EDA2R: variants seen among roughly 807,000 people sequenced by gnomAD.
The protein encoded by EDA2R is ectodysplasin A2 receptor, also known as tumor necrosis factor receptor superfamily member 27.
In EDA2R, 26 loss-of-function variants were observed where a neutral mutation model predicts 20.1. That is an observed-to-expected ratio of 1.30 (90% CI 0.95 to 1.80). The LOEUF (loss-of-function observed/expected upper bound fraction) is 1.80, where lower values mean the gene tolerates loss of function less well. Ranked by LOEUF, EDA2R falls within the 40% of genes most tolerant of loss-of-function variation. The pLI is 0.00. For missense variants in EDA2R, 277 were observed against 228.7 expected (o/e 1.21, Z -1.36); for synonymous variants, 114 against 88.7 (o/e 1.29, Z -1.60).
chrX:66,638,862 A>G (rs1220698512), intron 1 of EDA2R, 133 bp downstream of exon 1: 1 of 111,171 alleles, frequency 9.0e-6, no homozygotes, highest in Non-Finnish European at 1.9e-5. Context: ...ACAGCCAGCC[A>G]CAGGGCGCCT....
intron 2 of EDA2R, among the ~76,000 whole-genome samples, chrX:66,613,624 G>C (rs1931168925): frequency 8.9e-6 from 1 of 111,812 alleles, no homozygotes; most frequent in African/African-American, 3.2e-5. Flanking sequence ...ACCCCGAACA[G>C]AGGGCCACAA....
chrX:66,605,957 A>G (rs754810187), intron 2 of EDA2R, among the ~76,000 whole-genome samples: 1 of 112,349 alleles, frequency 8.9e-6, no homozygotes, highest in East Asian at 2.8e-4. Flanking sequence ...TGCCAATGGT[A>G]TAGATGAGAG....
At chrX:66,621,809 G>T (rs758766931) in intron 1 of EDA2R, among the ~76,000 whole-genome samples, 1 of 112,137 alleles carries the variant, frequency 8.9e-6, no homozygotes, top group African/African-American at 3.2e-5. Context: ...AAATGCCCTG[G>T]AATTAGACAG....
intron 2 of EDA2R, among the ~76,000 whole-genome samples, chrX:66,606,453 A>G (rs73221526): frequency 0.022 from 2,431 of 111,530 alleles, 35 homozygotes; most frequent in Middle Eastern, 0.042. Flanking sequence ...ACCCCTGGAA[A>G]CCTTGGAATA....
rs1302302856 is a variant in EDA2R at position 66,599,667 on chromosome X, G to A, written c.711C>T (p.Ala237=). Residue 237 remains alanine, a synonymous_variant, in exon 6 of 7, where the codon GCC becomes GCT. Transcript: ENST00000374719. The part of the protein sequence containing the change: ...GFPTQESFTM[A]SCTSESHSHW... ...GGGAGTGGCTCTCTGAGGTGCAGGA[G>A]GCCATGGTAAAGGACTCCTGTGTGG... 3 of 1,208,487 alleles carry A rather than the reference G, an allele frequency of 2.5e-6. No homozygotes were observed. The highest frequency in any genetic ancestry group is 3.4e-6 in the Non-Finnish European group (3 of 894,113).
intron 1 of EDA2R, among the ~76,000 whole-genome samples, chrX:66,619,516 G>A (rs1932252694): frequency 8.9e-6 from 1 of 111,758 alleles, no homozygotes; most frequent in African/African-American, 3.3e-5. Context: ...CACAACCTAA[G>A]GTTATGGCTG....
At chrX:66,625,849 G>A (rs757627154) in intron 1 of EDA2R, among the ~76,000 whole-genome samples, 1 of 112,055 alleles carries the variant, frequency 8.9e-6, no homozygotes, top group African/African-American at 3.3e-5. Flanking sequence ...ACTCTGTGCA[G>A]ACAACCCCCA....
At chrX:66,601,158 C>T (rs1928524861) in intron 5 of EDA2R, among the ~76,000 whole-genome samples, 1 of 112,229 alleles carries the variant, frequency 8.9e-6, no homozygotes, top group South Asian at 3.7e-4. Context: ...AAGCAGGTTA[C>T]CACATTATTA....
At chrX:66,633,515 G>T (rs905798799) in intron 1 of EDA2R, among the ~76,000 whole-genome samples, 1 of 111,346 alleles carries the variant, frequency 9.0e-6, no homozygotes, top group Admixed American at 9.5e-5. Context: ...ATGTATGTGA[G>T]AGTGCTGTGG....
chrX:66,607,878 G>A (rs1929985034), intron 2 of EDA2R, among the ~76,000 whole-genome samples: 1 of 111,855 alleles, frequency 8.9e-6, no homozygotes, highest in South Asian at 3.7e-4. Flanking sequence ...AAAGAATTGA[G>A]ACTATTCTTG....
At chrX:66,637,104 A>G (rs886943522) in intron 1 of EDA2R, among the ~76,000 whole-genome samples, 1 of 112,110 alleles carries the variant, frequency 8.9e-6, no homozygotes, top group Non-Finnish European at 1.9e-5. Context: ...CTCAGAAGGT[A>G]CATACTCTTT....
chrX:66,622,520 C>T (rs1932761548), intron 1 of EDA2R, among the ~76,000 whole-genome samples: 1 of 111,677 alleles, frequency 9.0e-6, no homozygotes, highest in South Asian at 3.8e-4. Context: ...TTTGCTTTGC[C>T]TGGACAGTGC....
chrX:66,628,588 G>C (rs1178129510), intron 1 of EDA2R, among the ~76,000 whole-genome samples: 2 of 109,211 alleles, frequency 1.8e-5, no homozygotes, highest in African/African-American at 6.7e-5. Context: ...AGAAAACCTA[G>C]AAGAGATGGA....
At chrX:66,622,466 G>A (rs1932757972) in intron 1 of EDA2R, among the ~76,000 whole-genome samples, 1 of 111,593 alleles carries the variant, frequency 9.0e-6, no homozygotes, top group African/African-American at 3.3e-5. Flanking sequence ...GGGTAGGCAG[G>A]AAAGAAGGAC....
At chrX:66,621,226 G>A (rs1045447377) in intron 1 of EDA2R, among the ~76,000 whole-genome samples, 28 of 111,707 alleles carry the variant, frequency 2.5e-4, no homozygotes, top group Non-Finnish European at 4.3e-4. Flanking sequence ...GCAGTGAGCC[G>A]AGATCGTGCC....
At chrX:66,613,962 G>A (rs933402266) in intron 2 of EDA2R, among the ~76,000 whole-genome samples, 4 of 111,135 alleles carry the variant, frequency 3.6e-5, no homozygotes, top group African/African-American at 1.3e-4. Flanking sequence ...TTCATTCTAG[G>A]TGGCATGAAG....
upstream of EDA2R, chrX:66,639,201 A>G (rs1934630772): frequency 2.1e-5 from 2 of 96,181 alleles, no homozygotes; most frequent in South Asian, 5.7e-4. Context: ...ACACACTCAC[A>G]GTATATGAAA....
intron 5 of EDA2R, among the ~76,000 whole-genome samples, chrX:66,600,643 G>A (rs904764723): frequency 1.8e-5 from 2 of 111,902 alleles, no homozygotes; most frequent in Admixed American, 9.5e-5. Context: ...TATGGAAACT[G>A]TGATAATAAG....
intron 1 of EDA2R, among the ~76,000 whole-genome samples, chrX:66,623,465 A>G (rs1395611464): frequency 8.9e-6 from 1 of 112,027 alleles, no homozygotes; most frequent in African/African-American, 3.2e-5. Context: ...AGTTTTGGAT[A>G]TAACTTAAAA....
Sources: gnomAD v4.1 joint callset for allele counts (sites outside exome capture counted in the v4.1 genomes callset) on GRCh38, gnomAD v4.1.1 for gene constraint, MANE v1.5 for transcripts, NCBI Gene and HGNC (gene_info 2026-07-23, HGNC 2026-07-21) for gene names.